The following EIPR1 variants were observed in gnomAD, a reference collection of about 807,000 sequenced individuals.
EIPR1 encodes EARP and GARP complex-interacting protein 1.
EIPR1 carries 25 observed loss-of-function variants against 48.1 expected under a neutral mutation model. The ratio of observed to expected loss-of-function variants is 0.52; its 90% CI spans 0.38 to 0.73. The LOEUF (loss-of-function observed/expected upper bound fraction) is 0.73, where lower values mean the gene tolerates loss of function less well. Among genes scored for constraint, EIPR1 ranks in the 30% least tolerant of loss-of-function variants. EIPR1 has a pLI of 0.00. For synonymous variants in EIPR1, 204 were observed against 201.9 expected, an observed-to-expected ratio of 1.01 and a Z score of -0.09; for missense variants, 415 against 506.2, an observed-to-expected ratio of 0.82 and a Z score of 1.73.
chr2:3,232,120 C>T (rs943846683), intron 4 of EIPR1, among the ~76,000 whole-genome samples: 1 of 152,110 alleles, frequency 6.6e-6, no homozygotes, highest in Non-Finnish European at 1.5e-5. Flanking sequence ...CATAATTGTT[C>T]ACAGTAGTCT....
At chr2:3,260,765 AG>A (rs760975224) in intron 3 of EIPR1, among the ~76,000 whole-genome samples, 4 of 152,226 alleles carry the variant, frequency 2.6e-5, no homozygotes, top group Non-Finnish European at 5.9e-5. Context: ...GCACCAGAAA[AG>A]ATGCTCAACA....
chr2:3,338,188 A>G, intron 2 of EIPR1, 39 bp from the exon 3 acceptor site: 1 of 1,602,602 alleles, frequency 6.2e-7, no homozygotes, highest in Non-Finnish European at 8.5e-7. Context: ...GATCTCAAAC[A>G]CTTTCCTCAG....
At chr2:3,335,646 C>T (rs116076369) in intron 3 of EIPR1, among the ~76,000 whole-genome samples, 2,171 of 152,198 alleles carry the variant, frequency 0.014, 56 homozygotes, top group African/African-American at 0.05. Context: ...AATTGTAATC[C>T]CCACATGTCC....
At chr2:3,346,137 G>C (rs1281433132) in intron 2 of EIPR1, among the ~76,000 whole-genome samples, 1 of 152,232 alleles carries the variant, frequency 6.6e-6, no homozygotes, top group Non-Finnish European at 1.5e-5. Context: ...CCATGCGGGA[G>C]GGCCACCACT....
chr2:3,293,937 A>C (rs1435253163), intron 3 of EIPR1, among the ~76,000 whole-genome samples: 1 of 152,200 alleles, frequency 6.6e-6, no homozygotes, highest in Non-Finnish European at 1.5e-5. Context: ...ATTTAATTAA[A>C]TGGAATGGTG....
intron 1 of EIPR1, among the ~76,000 whole-genome samples, chr2:3,371,255 G>A (rs537341726): frequency 1.3e-5 from 2 of 152,262 alleles, no homozygotes; most frequent in South Asian, 2.1e-4. Context: ...ACATGGAAAG[G>A]CATAACCGTA....
intron 1 of EIPR1, among the ~76,000 whole-genome samples, chr2:3,363,759 C>T (rs1455900865): frequency 1.4e-5 from 2 of 143,844 alleles, no homozygotes; most frequent in South Asian, 2.2e-4. Context: ...ATCTGTCAGG[C>T]GATTAATAAC....
chr2:3,287,943 AG>A lies in EIPR1; in HGVS notation c.260-30489del, dbSNP rs145981921. Among the ~76,000 whole-genome samples, 756 of 152,300 alleles carry A rather than the reference AG, an allele frequency of 5.0e-3. 17 individuals carry two copies. Among genetic ancestry groups the A allele is most frequent in the East Asian group, 0.022 (116 of 5,176 alleles). On this transcript the variant is annotated intron_variant, in intron 3 of 8. Transcript: ENST00000382125. ...GTGGAGGGGCCAAGGTCGTGTGCAG[AG>A]GGTACTGAGTAAGGAGTAGGCTGCC...
At chr2:3,238,303 G>A (rs575348139) in intron 4 of EIPR1, among the ~76,000 whole-genome samples, 1 of 152,096 alleles carries the variant, frequency 6.6e-6, no homozygotes, top group Non-Finnish European at 1.5e-5. Context: ...CGTGACCCCT[G>A]GTGCTCTTCC....
At chr2:3,200,577 C>T (rs1024039644) in intron 5 of EIPR1, among the ~76,000 whole-genome samples, 2 of 151,664 alleles carry the variant, frequency 1.3e-5, no homozygotes, top group Non-Finnish European at 2.9e-5. Flanking sequence ...CAGGAGCACA[C>T]AGAGGAGGAG....
intron 3 of EIPR1, among the ~76,000 whole-genome samples, chr2:3,310,122 A>T (rs1669077633): frequency 6.6e-6 from 1 of 152,204 alleles, no homozygotes; most frequent in African/African-American, 2.4e-5. Context: ...TTAGAGAAAA[A>T]GGAGCTGGAA....
intron 5 of EIPR1, among the ~76,000 whole-genome samples, chr2:3,211,192 T>C (rs1176245139): frequency 1.3e-5 from 2 of 152,162 alleles, no homozygotes; most frequent in Middle Eastern, 3.2e-3. Flanking sequence ...AATCCACCCA[T>C]GGGCACGCCG....
At chr2:3,322,888 G>A (rs915073172) in intron 3 of EIPR1, among the ~76,000 whole-genome samples, 9 of 152,200 alleles carry the variant, frequency 5.9e-5, no homozygotes, top group African/African-American at 1.9e-4. Flanking sequence ...CATCAGCACC[G>A]TCCCTCCCGC....
intron 3 of EIPR1, among the ~76,000 whole-genome samples, chr2:3,316,631 T>C (rs12622796): frequency 0.46 from 69,851 of 152,094 alleles, 17,435 homozygotes; most frequent in East Asian, 0.82. Flanking sequence ...TTTTCAACTT[T>C]CACCCAGTTT....
At chr2:3,340,300 G>A (rs532127340) in intron 2 of EIPR1, among the ~76,000 whole-genome samples, 1 of 152,222 alleles carries the variant, frequency 6.6e-6, no homozygotes. Flanking sequence ...AGAGCGGGCC[G>A]CCAGCACCGG....
Position 3,338,021 on chromosome 2 carries a change from G to A in EIPR1, c.255C>T (p.Asn85=). ...ADRGVLTTCY[N]RTSDSKVLTC... The stretch of plus-strand genomic sequence containing the variant: ...CCTTAGAAAAGCCGCACTTACTTCT[G>A]TTGTAGCAGGTCGTCAGCACACCTC... The change falls in exon 3 of 9, where the codon AAC becomes AAT. Residue 85 remains asparagine (N), a synonymous_variant. Coordinates refer to ENST00000382125, the MANE Select transcript of EIPR1 (RefSeq NM_003310.5). 2 of 1,595,204 alleles carry A rather than the reference G, an allele frequency of 1.3e-6. No homozygotes were observed. The highest frequency in any genetic ancestry group is 1.7e-6 in the Non-Finnish European group (2 of 1,175,362).
intron 3 of EIPR1, among the ~76,000 whole-genome samples, chr2:3,313,853 G>A (rs1055121848): frequency 2.6e-5 from 4 of 152,182 alleles, no homozygotes; most frequent in Non-Finnish European, 5.9e-5. Flanking sequence ...ATCAGGGAGG[G>A]CGAGGAAGGC....
At chr2:3,303,748 T>C (rs1668829152) in intron 3 of EIPR1, among the ~76,000 whole-genome samples, 1 of 152,128 alleles carries the variant, frequency 6.6e-6, no homozygotes, top group Non-Finnish European at 1.5e-5. Flanking sequence ...AGACGACACG[T>C]GATACGGTGC....
At chr2:3,305,596 C>G (rs898722215) in intron 3 of EIPR1, among the ~76,000 whole-genome samples, 1 of 152,222 alleles carries the variant, frequency 6.6e-6, no homozygotes, top group African/African-American at 2.4e-5. Flanking sequence ...CATTGAGTAA[C>G]GGACTGGGGC....
Sources: gnomAD v4.1 joint callset for allele counts (sites outside exome capture counted in the v4.1 genomes callset) on GRCh38, gnomAD v4.1.1 for gene constraint, MANE v1.5 for transcripts, NCBI Gene and HGNC (gene_info 2026-07-23, HGNC 2026-07-21) for gene names.